Variants in IL27RA observed in about 807,000 individuals in gnomAD.
IL27RA encodes interleukin 27 receptor subunit alpha.
IL27RA carries 61 observed loss-of-function variants against 80.8 expected under a neutral mutation model. The observed-to-expected ratio is 0.76, with a 90% CI of 0.61 to 0.93. IL27RA has a LOEUF of 0.93. Ranked by LOEUF, IL27RA falls within the 40% of genes least tolerant of loss-of-function variation. The probability of loss-of-function intolerance (pLI) is 0.00; values close to 1 mark genes in which losing one functional copy is unlikely to be tolerated. For missense variants in IL27RA, 735 were observed against 808.1 expected, an observed-to-expected ratio of 0.91 and a Z score of 1.10; for synonymous variants, 316 against 332.5, an observed-to-expected ratio of 0.95 and a Z score of 0.54.
chr19:14,038,066 G>C (rs1445339517), intron 2 of IL27RA, among the ~76,000 whole-genome samples: 1 of 151,800 alleles, frequency 6.6e-6, no homozygotes, highest in African/African-American at 2.4e-5. Flanking sequence ...TCTTGACTTC[G>C]TGATCCACCT....
chr19:14,038,897 AAAGAG>A (rs1270132556), intron 2 of IL27RA, among the ~76,000 whole-genome samples: 4 of 151,686 alleles, frequency 2.6e-5, no homozygotes, highest in African/African-American at 9.7e-5. Flanking sequence ...AAGAAAAAAA[AAAGAG>A]AGAGAGAAAG....
At chr19:14,032,110 G>T in intron 1 of IL27RA, 138 bp downstream of exon 1, 1 of 814,454 alleles carries the variant, frequency 1.2e-6, no homozygotes, top group Non-Finnish European at 1.9e-6. Context: ...CCGGGGCAGG[G>T]ACCCGGCGAC....
rs775134318 is a variant in IL27RA at position 14,052,604 on chromosome 19, G to T, written c.*314G>T. ...TTTGGACCCCAGCACAGTGGCTCAC[G>T]CCTGTAATCCCAGCACTTTGGCAGG... is the stretch of plus-strand genomic sequence containing the variant. On this transcript the variant is annotated 3_prime_UTR_variant, in exon 14 of 14. Transcript: ENST00000263379. The T allele has an allele frequency of 3.7e-6, 1 of 266,912 alleles. No individual in the cohort carries two copies. The highest frequency in any genetic ancestry group is 5.1e-5 in the Admixed American group (1 of 19,796). 16.5% of individuals were successfully genotyped at this position (266,912 alleles called of 1,614,324 possible). A position where few individuals can be genotyped will look rare whatever the true frequency, so the allele number is the denominator to read the frequency against.
At position 14,031,987 on chromosome 19, in the gene IL27RA, G is replaced by A. The variant is rs1314594470; in HGVS notation, c.100+15G>A. The A allele has an allele frequency of 6.3e-7, 1 of 1,596,770 alleles. No homozygotes were observed. Among genetic ancestry groups the A allele is most frequent in the Non-Finnish European group, 8.5e-7 (1 of 1,169,702 alleles). On this transcript the variant is annotated intron_variant, in intron 1 of 13. Transcript: ENST00000263379. ...GCGTCCCCAGGGTGAGTGCTGGAGG[G>A]AGCTCGTGTCCCGGGCGCTGCCGCT...
chr19:14,052,498 G>A lies in IL27RA; in HGVS notation c.*208G>A. The A allele has an allele frequency of 2.2e-6, 1 of 444,510 alleles. No individual in the cohort carries two copies. The highest frequency in any genetic ancestry group is 3.5e-5 in the East Asian group (1 of 28,710). 27.5% of individuals were successfully genotyped at this position (444,510 alleles called of 1,614,324 possible). On this transcript the variant is annotated 3_prime_UTR_variant, in exon 14 of 14. Coordinates refer to ENST00000263379, the MANE Select transcript of IL27RA (RefSeq NM_004843.4). ...TGGCCCCCATGGGGAAGACACGGAT[G>A]GAAGGTGGAGCAAAGGAAAATACAT...
At chr19:14,036,220 C>T (rs1413131059) in intron 2 of IL27RA, among the ~76,000 whole-genome samples, 1 of 151,942 alleles carries the variant, frequency 6.6e-6, no homozygotes, top group Admixed American at 6.6e-5. Flanking sequence ...GTCTCAAACT[C>T]CTGAGCTCAA....
chr19:14,035,952 T>A (rs1463657531), intron 2 of IL27RA, among the ~76,000 whole-genome samples: 1 of 151,588 alleles, frequency 6.6e-6, no homozygotes, highest in Non-Finnish European at 1.5e-5. Flanking sequence ...AGCTAATTTT[T>A]AAAAATTTTT....
intron 1 of IL27RA, 110 bp downstream of exon 1, chr19:14,032,082 G>T: frequency 1.1e-6 from 1 of 948,648 alleles, no homozygotes. Context: ...TAGAGGTGCA[G>T]GCGCCACTCG....
intron 2 of IL27RA, among the ~76,000 whole-genome samples, chr19:14,037,662 G>C (rs1481694320): frequency 2.0e-5 from 3 of 152,046 alleles, no homozygotes; most frequent in Non-Finnish European, 4.4e-5. Context: ...GCATGGTTCT[G>C]TCCTCATCTC....
At position 14,032,470 on chromosome 19, in the gene IL27RA, C is replaced by G; in HGVS notation, c.185C>G (p.Ala62Gly). 1 of 1,613,370 alleles carries G rather than the reference C, an allele frequency of 6.2e-7. No individual in the cohort carries two copies. Residue 62 changes from alanine to glycine, a missense_variant, in exon 2 of 14, where the codon GCC becomes GGC. Transcript: ENST00000263379. ...CSWEPLGDLG[A>G]PSELHLQSQK... ...TGGGAGCCTCTTGGGGACCTGGGAGCCCCCTCCGAGTTACACCTCCAGAGC... is the reference window on the plus strand; with the variant it reads ...TGGGAGCCTCTTGGGGACCTGGGAGGCCCCTCCGAGTTACACCTCCAGAGC...
chr19:14,052,350 C>G lies in IL27RA; in HGVS notation c.*60C>G, dbSNP rs937696368. The G allele has an allele frequency of 1.4e-5, 19 of 1,332,502 alleles. No individual in the cohort carries two copies. The highest frequency in any genetic ancestry group is 1.8e-5 in the Non-Finnish European group (18 of 1,000,054). The allele number at this position is 1,332,502 out of a possible 1,614,324, so 82.5% of individuals were successfully genotyped here. ...AGAGGGATGCTCATGCAGGTTGCAC[C>G]CCAGTCCTGGATTAGCCCTCTTGAT... On this transcript the variant is annotated 3_prime_UTR_variant, in exon 14 of 14. Transcript: ENST00000263379.
intron 2 of IL27RA, among the ~76,000 whole-genome samples, chr19:14,036,056 C>T (rs370650607): frequency 5.3e-5 from 7 of 132,376 alleles, no homozygotes; most frequent in Admixed American, 2.5e-4. Context: ...GCCTGGGCAA[C>T]GTAGTGAGAC....
chr19:14,047,807 C>G (rs1481793491), intron 8 of IL27RA, among the ~76,000 whole-genome samples: 2 of 148,600 alleles, frequency 1.3e-5, no homozygotes, highest in African/African-American at 5.1e-5. Context: ...GCGCCCGCCA[C>G]CACGCCCGGC....
intron 11 of IL27RA, 114 bp from the exon 12 acceptor site, chr19:14,051,493 G>A (rs755294267): frequency 4.4e-6 from 2 of 454,644 alleles, no homozygotes; most frequent in South Asian, 7.1e-5. Flanking sequence ...AGTGAGCTGA[G>A]GTCGCACCAC....
At chr19:14,039,981 A>G (rs1432150575) in intron 4 of IL27RA, 71 bp downstream of exon 4, 8 of 1,491,506 alleles carry the variant, frequency 5.4e-6, no homozygotes, top group Non-Finnish European at 6.5e-6. Flanking sequence ...CTAATCTGAG[A>G]CCCAGCCCAG....
At chr19:14,048,805 C>T (rs1976109936) in intron 8 of IL27RA, among the ~76,000 whole-genome samples, 176 bp from the exon 9 acceptor site, 1 of 152,168 alleles carries the variant, frequency 6.6e-6, no homozygotes, top group Non-Finnish European at 1.5e-5. Context: ...TGTTCCTTCC[C>T]CATTTCACTC....
At chr19:14,035,071 C>T (rs998699817) in intron 2 of IL27RA, among the ~76,000 whole-genome samples, 3 of 149,968 alleles carry the variant, frequency 2.0e-5, no homozygotes, top group African/African-American at 4.9e-5. Flanking sequence ...CAGTTCACTG[C>T]AGCGACTTCT....
In IL27RA at chr19:14,042,719, C is replaced by A. The variant is rs900272318; in HGVS notation, c.698C>A (p.Pro233Gln). ...CCCGTTTCCTCATCCTTGCCAGCTC[C>A]AAAAGATGTGTGGGTATCAGGGAAC... ...ILSFQTPPSA[P>Q]KDVWVSGNLC... Residue 233 changes from proline to glutamine, a missense_variant, in exon 6 of 14, where the codon CCA becomes CAA. Transcript: ENST00000263379. 6.2e-7 allele frequency: 1 copy of A among 1,614,046 alleles called. No homozygotes were observed. The highest frequency in any genetic ancestry group is 8.5e-7 in the Non-Finnish European group (1 of 1,180,032).
In IL27RA at chr19:14,032,517, G is replaced by A. The variant is rs1323416074; in HGVS notation, c.218+14G>A. 2 of 1,559,956 alleles carry A rather than the reference G, an allele frequency of 1.3e-6. No individual in the cohort carries two copies. Among genetic ancestry groups the A allele is most frequent in the Non-Finnish European group, 1.8e-6 (2 of 1,132,522 alleles). ...GAGCCAAAAGTAGTGAGTACAGGGA[G>A]GTGACGTGGGGAAACAGGCTTTGGA... On this transcript the variant is annotated intron_variant, in intron 2 of 13. Transcript: ENST00000263379.
Sources: allele counts gnomAD v4.1 joint callset (sites outside exome capture counted in the v4.1 genomes callset), GRCh38; gene constraint gnomAD v4.1.1; transcripts MANE v1.5; gene names NCBI Gene and HGNC (gene_info 2026-07-23, HGNC 2026-07-21).